The following DOCK1 variants were observed in gnomAD, a reference collection of about 807,000 sequenced individuals.
The protein encoded by DOCK1 is dedicator of cytokinesis 1.
Under a neutral mutation model 262.7 loss-of-function variants are expected in DOCK1, and 138 were observed. The ratio of observed to expected loss-of-function variants is 0.53; its 90% CI spans 0.46 to 0.61. The LOEUF is 0.61. DOCK1 is among the 20% of genes least tolerant of loss of function. DOCK1 has a pLI of 0.00. For synonymous variants in DOCK1, 866 were observed against 867.4 expected, an observed-to-expected ratio of 1.00 and a Z score of 0.03; for missense variants, 1,908 against 2,370.7, an observed-to-expected ratio of 0.80 and a Z score of 4.05.
intron 29 of DOCK1, among the ~76,000 whole-genome samples, chr10:127,308,166 G>A (rs1283473948): frequency 6.6e-6 from 1 of 152,202 alleles, no homozygotes; most frequent in Non-Finnish European, 1.5e-5. Flanking sequence ...TCTCTCTAGG[G>A]GTGACAGCAT....
Position 127,374,043 on chromosome 10 carries a change from A to T in DOCK1, c.3519-15A>T, listed in dbSNP as rs755032195. ...TCTGAGTGTGATTAACAAGGTGTGTATAATTATTTTTCAGCCTTCTGGAAC... is the reference window on the plus strand; with the variant it reads ...TCTGAGTGTGATTAACAAGGTGTGTTTAATTATTTTTCAGCCTTCTGGAAC... On this transcript the variant is annotated splice_polypyrimidine_tract_variant and intron_variant, in intron 34 of 51. Coordinates refer to ENST00000623213, the MANE Select transcript of DOCK1 (RefSeq NM_001290223.2). 4.4e-6 allele frequency: 7 copies of T among 1,599,174 alleles called. No homozygotes were observed. The African/African-American group carries it at 6.7e-5, about 15-fold the overall frequency.
chr10:127,167,684 A>G (rs909019301), intron 27 of DOCK1, among the ~76,000 whole-genome samples: 27 of 152,190 alleles, frequency 1.8e-4, no homozygotes, highest in South Asian at 1.5e-3. Flanking sequence ...AGGGTGAACT[A>G]AAACAAAATC....
chr10:127,117,107 G>T (rs1381752608), intron 25 of DOCK1, among the ~76,000 whole-genome samples: 4 of 152,142 alleles, frequency 2.6e-5, no homozygotes, highest in African/African-American at 9.7e-5. Context: ...TTGAATGTAG[G>T]AGGGTGAACT....
At chr10:127,123,223 C>T (rs1187283778) in intron 25 of DOCK1, among the ~76,000 whole-genome samples, 2 of 152,136 alleles carry the variant, frequency 1.3e-5, no homozygotes, top group African/African-American at 2.4e-5. Context: ...GCTGTCATTA[C>T]CTGCTCAGGT....
At chr10:127,205,648 T>C (rs1486643036) in intron 27 of DOCK1, among the ~76,000 whole-genome samples, 1 of 152,254 alleles carries the variant, frequency 6.6e-6, no homozygotes, top group Non-Finnish European at 1.5e-5. Context: ...GCTTCTTCGA[T>C]GACAATACAT....
At chr10:127,427,719 A>G (rs1352478263) in intron 47 of DOCK1, among the ~76,000 whole-genome samples, 1 of 152,222 alleles carries the variant, frequency 6.6e-6, no homozygotes, top group Non-Finnish European at 1.5e-5. Context: ...TAGGAAATGC[A>G]TATGAGACCT....
intron 1 of DOCK1, among the ~76,000 whole-genome samples, chr10:126,941,095 C>T (rs2034944612): frequency 6.6e-6 from 1 of 152,134 alleles, no homozygotes; most frequent in Admixed American, 6.6e-5. Context: ...TGGTCATTGT[C>T]TGGGAGGATG....
intron 7 of DOCK1, 78 bp from the exon 8 acceptor site, chr10:126,998,014 A>G (rs113709619): frequency 1.8e-5 from 28 of 1,555,896 alleles, no homozygotes; most frequent in Middle Eastern, 1.7e-4. Flanking sequence ...ACAATTTTCT[A>G]TTCTGTAGGG....
intron 27 of DOCK1, among the ~76,000 whole-genome samples, chr10:127,235,012 GTATA>G (rs892903505): frequency 3.4e-5 from 5 of 147,562 alleles, no homozygotes; most frequent in Admixed American, 2.0e-4. Flanking sequence ...ATACATATAA[GTATA>G]TATACTGTAT....
Position 127,435,953 on chromosome 10 carries a change from G to A in DOCK1, c.5060+2525G>A, listed in dbSNP as rs1007622732. 5.9e-5 allele frequency among the ~76,000 whole-genome samples: 9 copies of A among 152,084 alleles called. 1 individual carries two copies. Among genetic ancestry groups the A allele is most frequent in the Non-Finnish European group, 1.3e-4 (9 of 68,026 alleles). The stretch of plus-strand genomic sequence containing the variant: ...CTCTGGGTTCTTTGTATACGCATCA[G>A]GATTTCACAACCCGGGTCTTCTCCC... On this transcript the variant is annotated intron_variant, in intron 48 of 51. Coordinates refer to ENST00000623213, the MANE Select transcript of DOCK1 (RefSeq NM_001290223.2).
chr10:127,121,091 C>T (rs1251227062), intron 25 of DOCK1, among the ~76,000 whole-genome samples: 6 of 152,264 alleles, frequency 3.9e-5, no homozygotes, highest in South Asian at 2.1e-4. Flanking sequence ...TTTCTTTATA[C>T]GTGTGGGTAA....
At chr10:127,201,372 G>A (rs1363192082) in intron 27 of DOCK1, among the ~76,000 whole-genome samples, 1 of 152,186 alleles carries the variant, frequency 6.6e-6, no homozygotes, top group Non-Finnish European at 1.5e-5. Flanking sequence ...CTGTTTCTGA[G>A]GTGCTGGTCC....
chr10:127,412,664 T>C (rs1336551116), intron 43 of DOCK1, among the ~76,000 whole-genome samples: 1 of 152,156 alleles, frequency 6.6e-6, no homozygotes, highest in African/African-American at 2.4e-5. Context: ...CAGGGTTGCC[T>C]CAAGTAAAGA....
intron 27 of DOCK1, among the ~76,000 whole-genome samples, chr10:127,167,762 C>T (rs1243383932): frequency 6.6e-6 from 1 of 152,108 alleles, no homozygotes; most frequent in Non-Finnish European, 1.5e-5. Flanking sequence ...GTCCTTTTCT[C>T]TGGAAACCAC....
At chr10:127,125,193 AGT>A (rs1199574263) in intron 25 of DOCK1, among the ~76,000 whole-genome samples, 2 of 152,158 alleles carry the variant, frequency 1.3e-5, no homozygotes, top group Non-Finnish European at 2.9e-5. Flanking sequence ...GTGGGATATA[AGT>A]GTGTGTGTGT....
In DOCK1 at chr10:127,176,328, C is replaced by A; in HGVS notation, c.2847+48564C>A. 6.2e-7 allele frequency: 1 copy of A among 1,613,966 alleles called. No homozygotes were observed. Among genetic ancestry groups the A allele is most frequent in the Non-Finnish European group, 8.5e-7 (1 of 1,179,982 alleles). Reference sequence around the variant, plus strand: ...GGCGTATTTCATCTCCAGGGCCAGGCAGGCGGCGGGTTCCACTTCACTCTC... The same window carrying A: ...GGCGTATTTCATCTCCAGGGCCAGGAAGGCGGCGGGTTCCACTTCACTCTC... On this transcript the variant is annotated intron_variant, in intron 27 of 51. Coordinates refer to ENST00000623213, the MANE Select transcript of DOCK1 (RefSeq NM_001290223.2). The surrounding 1 kb of genome is among the most constrained non-coding windows in gnomAD (Gnocchi z 4.4).
intron 33 of DOCK1, among the ~76,000 whole-genome samples, chr10:127,362,991 C>CACACACACACA (rs56121314): frequency 2.1e-5 from 1 of 47,570 alleles, no homozygotes. Context: ...ACACATCCCC[C>CACACACACACA]CCCACACACA....
chr10:127,185,184 T>C (rs1371413577), intron 27 of DOCK1, among the ~76,000 whole-genome samples: 1 of 152,192 alleles, frequency 6.6e-6, no homozygotes, highest in East Asian at 1.9e-4. Context: ...AGTAGGTCCC[T>C]CTAAGTCTTC....
chr10:127,249,078 G>A (rs2059530163), intron 28 of DOCK1, among the ~76,000 whole-genome samples: 1 of 152,084 alleles, frequency 6.6e-6, no homozygotes, highest in Non-Finnish European at 1.5e-5. Flanking sequence ...AAAAAGGATG[G>A]GGACCGCTGT....
Sources: allele counts gnomAD v4.1 joint callset (sites outside exome capture counted in the v4.1 genomes callset), GRCh38; gene constraint gnomAD v4.1.1; non-coding constraint Gnocchi (gnomAD v3.1); transcripts MANE v1.5; gene names NCBI Gene and HGNC (gene_info 2026-07-23, HGNC 2026-07-21).